Variants in RHBDD2 observed in about 807,000 individuals in gnomAD.
The protein encoded by RHBDD2 is rhomboid domain containing 2.
A neutral mutation model predicts 21.7 loss-of-function variants in RHBDD2; 13 were observed. The observed-to-expected ratio is 0.60, with a 90% confidence interval of 0.39 to 0.95. The LOEUF is 0.95. RHBDD2 is among the 40% of genes least tolerant of loss of function. The pLI, the probability that RHBDD2 is intolerant of heterozygous loss-of-function variation, is 0.00. For missense variants in RHBDD2, 473 were observed against 478.9 expected, an observed-to-expected ratio of 0.99 and a Z score of 0.11; for synonymous variants, 225 against 220.0, an observed-to-expected ratio of 1.02 and a Z score of -0.20.
chr7:75,882,262 G>A (rs1554542799), intron 2 of RHBDD2, 26 bp downstream of exon 2: 2 of 1,571,304 alleles, frequency 1.3e-6, no homozygotes, highest in South Asian at 2.3e-5. Flanking sequence ...GAGAGCTATA[G>A]AACAACGCAT....
chr7:75,888,229 C>T lies in RHBDD2; in HGVS notation c.975C>T (p.Gly325=), dbSNP rs1554544479. ...TSSSVYPASA[G]TSLGIQPPTP... ...CCAGTGTCTACCCAGCTTCTGCGGG[C>T]ACCTCCCTGGGCATCCAGCCCCCCA... Residue 325 remains glycine (G), a synonymous_variant, in exon 4 of 4, where the codon GGC becomes GGT. Coordinates refer to ENST00000006777, the MANE Select transcript of RHBDD2 (RefSeq NM_001040456.3). 3 of 1,613,616 alleles carry T rather than the reference C, an allele frequency of 1.9e-6. No individual in the cohort carries two copies. The highest frequency in any genetic ancestry group is 1.1e-5 in the South Asian group (1 of 91,090).
chr7:75,887,946 TGCCAAGACTCGCTGAAG>T, intron 3 of RHBDD2, 29 bp from the exon 4 acceptor site: 2 of 1,535,160 alleles, frequency 1.3e-6, no homozygotes, highest in Non-Finnish European at 1.8e-6. Flanking sequence ...GCCATGACCT[TGCCAAGACTCGCTGAAG>T]GACCATTTTC....
chr7:75,884,318 C>T (rs1366058261), intron 3 of RHBDD2, among the ~76,000 whole-genome samples: 1 of 152,070 alleles, frequency 6.6e-6, no homozygotes, highest in Non-Finnish European at 1.5e-5. Context: ...CACTCGTGGA[C>T]TCAAGTGATC....
At chr7:75,884,423 G>A (rs1482628460) in intron 3 of RHBDD2, among the ~76,000 whole-genome samples, 1 of 151,984 alleles carries the variant, frequency 6.6e-6, no homozygotes, top group Non-Finnish European at 1.5e-5. Flanking sequence ...TCTCCACTGT[G>A]TTACCAAGGC....
chr7:75,882,998 G>A (rs572704185), intron 2 of RHBDD2, among the ~76,000 whole-genome samples: 62 of 152,258 alleles, frequency 4.1e-4, no homozygotes, highest in African/African-American at 1.4e-3. Flanking sequence ...ACTGAGGCAG[G>A]TGCCCTCTAT....
In RHBDD2 at chr7:75,884,989, CTG is replaced by C. The variant is rs141771161; in HGVS notation, c.737+1143_737+1144del. Among the ~76,000 whole-genome samples the C allele has an allele frequency of 9.0e-3, 1,376 of 152,090 alleles. 23 individuals are homozygous for C. Among genetic ancestry groups the C allele is most frequent in the African/African-American group, 0.032 (1,319 of 41,470 alleles). ...ATTATCCAAGCGTGGTGGTGGTTGC[CTG>C]TAATCCCAGCTACTCAGGAGGCTGA... On this transcript the variant is annotated intron_variant, in intron 3 of 3. Transcript: ENST00000006777.
chr7:75,880,222 T>C (rs1472987592), intron 1 of RHBDD2: 1 of 152,180 alleles, frequency 6.6e-6, no homozygotes, highest in East Asian at 1.9e-4. Context: ...TAGAATCTTT[T>C]CATGTTTATA....
chr7:75,886,771 G>A (rs549963032), intron 3 of RHBDD2, among the ~76,000 whole-genome samples: 5 of 150,772 alleles, frequency 3.3e-5, no homozygotes, highest in African/African-American at 4.9e-5. Flanking sequence ...CCGAGATCGC[G>A]CCACTGCACT....
Position 75,888,313 on chromosome 7 carries a change from A to T in RHBDD2, c.1059A>T (p.Ala353=). The T allele has an allele frequency of 6.2e-7, 1 of 1,612,370 alleles. No homozygotes were observed. The highest frequency in any genetic ancestry group is 8.5e-7 in the Non-Finnish European group (1 of 1,179,740). Residue 353 remains alanine (A), a synonymous_variant, in exon 4 of 4, where the codon GCA becomes GCT. Transcript: ENST00000006777. Reference sequence around the variant, plus strand: ...GGGCCTTGGGCACACCAGGGGCTGCAGGCTCCAAGGAGTCCTCCAGGGTCC... The same window carrying T: ...GGGCCTTGGGCACACCAGGGGCTGCTGGCTCCAAGGAGTCCTCCAGGGTCC... ...YSGALGTPGA[A]GSKESSRVPM... is the part of the protein sequence containing the mutation.
intron 1 of RHBDD2, chr7:75,881,445 C>G: frequency 5.4e-6 from 7 of 1,297,740 alleles, no homozygotes; most frequent in Non-Finnish European, 7.0e-6. Flanking sequence ...CAATCCACCC[C>G]GAAGCTGTTA....
At chr7:75,886,546 G>A (rs575646013) in intron 3 of RHBDD2, among the ~76,000 whole-genome samples, 1 of 152,060 alleles carries the variant, frequency 6.6e-6, no homozygotes, top group Non-Finnish European at 1.5e-5. Context: ...CGGGCGCGGT[G>A]GCTCACACCT....
intron 3 of RHBDD2, among the ~76,000 whole-genome samples, chr7:75,884,348 A>G (rs1389139328): frequency 6.6e-6 from 1 of 152,076 alleles, no homozygotes; most frequent in Non-Finnish European, 1.5e-5. Flanking sequence ...CAGCCTCCCA[A>G]GTAACTGAGA....
intron 2 of RHBDD2, 80 bp from the exon 3 acceptor site, chr7:75,883,618 G>T: frequency 7.9e-7 from 1 of 1,267,754 alleles, no homozygotes. Flanking sequence ...TAGAGTGAGT[G>T]GGAACCTGTG....
intron 1 of RHBDD2, among the ~76,000 whole-genome samples, chr7:75,881,009 G>T (rs924373486): frequency 2.6e-5 from 4 of 152,070 alleles, no homozygotes; most frequent in African/African-American, 9.7e-5. Flanking sequence ...TTACAGGTGT[G>T]AGCCACCATG....
Position 75,882,107 on chromosome 7 carries a change from A to AAT in RHBDD2, c.457_458insAT (p.Arg153AsnfsTer61). ...AGTCACCACCGTCCGTTCTCGGATG[A>AAT]GGCGGGCCCTGGTGTTTGGCATGGT... On this transcript the variant is annotated frameshift_variant, in exon 2 of 4. Coordinates refer to ENST00000006777, the MANE Select transcript of RHBDD2 (RefSeq NM_001040456.3). LOFTEE classifies it high-confidence loss of function. The AAT allele has an allele frequency of 6.2e-7, 1 of 1,614,150 alleles. No homozygotes were observed. The highest frequency in any genetic ancestry group is 1.1e-5 in the South Asian group (1 of 91,082).
intron 1 of RHBDD2, chr7:75,881,294 T>G (rs1411361006): frequency 3.3e-6 from 4 of 1,209,186 alleles, no homozygotes; most frequent in East Asian, 1.1e-4. Flanking sequence ...TAATCTTTAT[T>G]GTTAATGATA....
rs782610270 is a variant in RHBDD2 at position 75,888,161 on chromosome 7, C to T, written c.907C>T (p.Leu303=). 1 of 1,613,924 alleles carries T rather than the reference C, an allele frequency of 6.2e-7. No homozygotes were observed. The highest frequency in any genetic ancestry group is 8.5e-7 in the Non-Finnish European group (1 of 1,180,040). The part of the protein sequence containing the change: ...TLPPYQPASG[L]CYVQNHFGPN... ...GCCTCCGTACCAGCCTGCCTCCGGC[C>T]TGTGCTATGTGCAGAACCACTTTGG... Residue 303 remains leucine, a synonymous_variant, in exon 4 of 4, where the codon CTG becomes TTG. Transcript: ENST00000006777.
chr7:75,883,710 A>G lies in RHBDD2; in HGVS notation c.599A>G (p.Tyr200Cys), dbSNP rs1554543055. The G allele has an allele frequency of 3.1e-6, 5 of 1,612,894 alleles. No homozygotes were observed. The highest frequency in any genetic ancestry group is 2.2e-5 in the East Asian group (1 of 44,828). Residue 200 changes from tyrosine (Y) to cysteine (C), a missense_variant, in exon 3 of 4, where the codon TAC becomes TGC. Coordinates refer to ENST00000006777, the MANE Select transcript of RHBDD2 (RefSeq NM_001040456.3). ...ACGCCAACCTCAGATGGCCTCACCTACTGCTATTCCATCGACCTCTCAGAG... is the reference window on the plus strand; with the variant it reads ...ACGCCAACCTCAGATGGCCTCACCTGCTGCTATTCCATCGACCTCTCAGAG... ...LSIGLAYGLTYCYSIDLSERV... is the reference protein window; with the variant it reads ...LSIGLAYGLTCCYSIDLSERV...
At chr7:75,885,898 A>G (rs1554543746) in intron 3 of RHBDD2, among the ~76,000 whole-genome samples, 2 of 151,612 alleles carry the variant, frequency 1.3e-5, no homozygotes, top group African/African-American at 4.9e-5. Flanking sequence ...ATGGAGTCTC[A>G]CTCTGTGGCC....
Sources: allele counts gnomAD v4.1 joint callset (sites outside exome capture counted in the v4.1 genomes callset), GRCh38; gene constraint gnomAD v4.1.1; transcripts MANE v1.5; gene names NCBI Gene and HGNC (gene_info 2026-07-23, HGNC 2026-07-21).